Variants in TENM3 observed in about 807,000 individuals in gnomAD.
TENM3 encodes the protein teneurin-3.
Under a neutral mutation model 255.1 loss-of-function variants are expected in TENM3, and 63 were observed. The observed-to-expected ratio is 0.25, with a 90% confidence interval of 0.20 to 0.30. The LOEUF is 0.30. Among genes scored for constraint, TENM3 ranks in the 10% least tolerant of loss-of-function variants. The pLI is 1.00. For synonymous variants in TENM3, 1,306 were observed against 1,322.3 expected (o/e 0.99, Z 0.27); for missense variants, 2,929 against 3,461.1 (o/e 0.85, Z 3.86).
the TENM3 span, among the ~76,000 whole-genome samples, chr4:181,517,796 T>C: frequency 6.6e-6 from 1 of 152,214 alleles, no homozygotes; most frequent in Non-Finnish European, 1.5e-5. Context: ...GAATTCTCTA[T>C]GTTTATGAAA....
At chr4:181,595,468 A>T in the TENM3 span, among the ~76,000 whole-genome samples, 1 of 144,492 alleles carries the variant, frequency 6.9e-6, no homozygotes, top group Admixed American at 7.0e-5. Flanking sequence ...GCAAGAGTAG[A>T]ATTTAATTCA....
chr4:181,936,127 C>T, the TENM3 span, among the ~76,000 whole-genome samples: 1 of 152,136 alleles, frequency 6.6e-6, no homozygotes, highest in African/African-American at 2.4e-5. Context: ...TGCAGTGGCT[C>T]ACACCTGTAA....
the TENM3 span, among the ~76,000 whole-genome samples, chr4:181,900,484 A>G: frequency 6.6e-6 from 1 of 152,136 alleles, no homozygotes; most frequent in African/African-American, 2.4e-5. Flanking sequence ...CAATACGTAT[A>G]TTTGTTGTTT....
At chr4:182,688,405 A>ACG (rs1337224155) in intron 12 of TENM3, 54 bp downstream of exon 12, 56 of 1,361,264 alleles carry the variant, frequency 4.1e-5, no homozygotes, top group Non-Finnish European at 4.9e-5. Flanking sequence ...AAGAGCACCG[A>ACG]CGGTCAGCTG....
chr4:182,228,390 GTGTATA>G (rs1195130608), intron 1 of TENM3, among the ~76,000 whole-genome samples: 4 of 86,870 alleles, frequency 4.6e-5, no homozygotes, highest in Non-Finnish European at 9.9e-5. Flanking sequence ...GTGTGTGTGT[GTGTATA>G]TGTAATCCCT....
At chr4:181,883,675 CGTT>C in the TENM3 span, among the ~76,000 whole-genome samples, 32 of 152,154 alleles carry the variant, frequency 2.1e-4, 1 homozygote, top group Middle Eastern at 3.4e-3. Flanking sequence ...GGGGTTTCAT[CGTT>C]GTGTTAGCCA....
chr4:181,666,372 CA>C, the TENM3 span, among the ~76,000 whole-genome samples: 1 of 152,008 alleles, frequency 6.6e-6, no homozygotes, highest in Non-Finnish European at 1.5e-5. Flanking sequence ...TAAAAACTTC[CA>C]AAATTCATGA....
chr4:181,518,740 T>C, the TENM3 span, among the ~76,000 whole-genome samples: 1 of 152,172 alleles, frequency 6.6e-6, no homozygotes, highest in African/African-American at 2.4e-5. Flanking sequence ...GCTTGGTTTT[T>C]ATAACGCTAA....
the TENM3 span, among the ~76,000 whole-genome samples, chr4:181,866,391 T>C: frequency 6.6e-6 from 1 of 152,250 alleles, no homozygotes; most frequent in Non-Finnish European, 1.5e-5. Flanking sequence ...TTAGTTTATG[T>C]AGATACTGCC....
chr4:182,137,755 T>A, the TENM3 span, among the ~76,000 whole-genome samples: 78 of 152,222 alleles, frequency 5.1e-4, no homozygotes, highest in Non-Finnish European at 1.0e-3. Context: ...GCAGCTTTTT[T>A]AATTAAAGAA....
chr4:181,560,131 G>A, the TENM3 span, among the ~76,000 whole-genome samples: 2 of 152,222 alleles, frequency 1.3e-5, no homozygotes, highest in African/African-American at 4.8e-5. Context: ...AGGCTGGGAA[G>A]TTCAAGGTTT....
intron 1 of TENM3, among the ~76,000 whole-genome samples, chr4:182,178,340 TA>T (rs1458187169): frequency 6.6e-6 from 1 of 152,162 alleles, no homozygotes; most frequent in Non-Finnish European, 1.5e-5. Flanking sequence ...ACTTTCCTAA[TA>T]AATTTTACAA....
chr4:182,023,421 A>G, the TENM3 span, among the ~76,000 whole-genome samples: 1 of 152,228 alleles, frequency 6.6e-6, no homozygotes, highest in Non-Finnish European at 1.5e-5. Context: ...TTGCCTCACT[A>G]TAATTATCAT....
chr4:182,174,800 C>G (rs1409996890), intron 1 of TENM3, among the ~76,000 whole-genome samples: 1 of 151,978 alleles, frequency 6.6e-6, no homozygotes, highest in South Asian at 2.1e-4. Flanking sequence ...TAATTGGTAG[C>G]TATAATTTAA....
the TENM3 span, among the ~76,000 whole-genome samples, chr4:181,557,479 A>G: frequency 3.9e-5 from 6 of 152,192 alleles, no homozygotes; most frequent in African/African-American, 1.4e-4. Context: ...AAGTTACTTT[A>G]TACATATTGA....
At chr4:181,584,060 A>G in the TENM3 span, among the ~76,000 whole-genome samples, 1 of 152,160 alleles carries the variant, frequency 6.6e-6, no homozygotes, top group African/African-American at 2.4e-5. Context: ...TTGCCTTTCA[A>G]TATTTCTCCA....
the TENM3 span, among the ~76,000 whole-genome samples, chr4:181,945,625 G>A: frequency 6.6e-6 from 1 of 151,880 alleles, no homozygotes; most frequent in South Asian, 2.1e-4. Flanking sequence ...TATACAAGCA[G>A]GTTGACTAAG....
chr4:181,487,314 T>A, the TENM3 span, among the ~76,000 whole-genome samples: 2 of 152,146 alleles, frequency 1.3e-5, no homozygotes, highest in Non-Finnish European at 2.9e-5. Context: ...TATGAGTAAA[T>A]CTGACAACCC....
intron 3 of TENM3, among the ~76,000 whole-genome samples, chr4:182,432,613 A>T (rs1303194563): frequency 6.6e-6 from 1 of 152,216 alleles, no homozygotes; most frequent in Admixed American, 6.5e-5. Flanking sequence ...AGAAGAGGAG[A>T]CATCTAAGTT....
Sources: allele counts gnomAD v4.1 joint callset (sites outside exome capture counted in the v4.1 genomes callset), GRCh38; gene constraint gnomAD v4.1.1; transcripts MANE v1.5; gene names NCBI Gene and HGNC (gene_info 2026-07-23, HGNC 2026-07-21).